The following LRRFIP2 variants were observed in gnomAD, a reference collection of about 807,000 sequenced individuals.
LRRFIP2 encodes the protein leucine-rich repeat flightless-interacting protein 2.
LRRFIP2 carries 109 observed loss-of-function variants against 125.9 expected under a neutral mutation model. The ratio of observed to expected loss-of-function variants is 0.87; its 90% CI spans 0.74 to 1.01. The LOEUF (loss-of-function observed/expected upper bound fraction) is 1.01. LRRFIP2 is among the 50% of genes least tolerant of loss of function. The probability of loss-of-function intolerance (pLI) is 0.00; values close to 1 mark genes in which losing one functional copy is unlikely to be tolerated. For synonymous variants in LRRFIP2, 291 were observed against 293.1 expected (o/e 0.99, Z 0.07); for missense variants, 850 against 862.3 (o/e 0.99, Z 0.18).
At chr3:37,127,600 C>A (rs2095316644) in intron 4 of LRRFIP2, 30 bp downstream of exon 4, 5 of 1,607,676 alleles carry the variant, frequency 3.1e-6, no homozygotes, top group Non-Finnish European at 4.3e-6. Flanking sequence ...CAATTGATCA[C>A]AACATGCAGG....
At chr3:37,056,485 G>A (rs896073565) in intron 25 of LRRFIP2, among the ~76,000 whole-genome samples, 32 of 148,814 alleles carry the variant, frequency 2.2e-4, no homozygotes, top group Non-Finnish European at 3.1e-4. Context: ...ATGGAGTCTC[G>A]CTCTGTCGCC....
chr3:37,167,591 T>C (rs1382236141), intron 1 of LRRFIP2, among the ~76,000 whole-genome samples: 1 of 147,278 alleles, frequency 6.8e-6, no homozygotes, highest in Non-Finnish European at 1.5e-5. Flanking sequence ...GAGGGAGAGG[T>C]TGCAGTGAGC....
chr3:37,122,421 G>C (rs1427801918), intron 4 of LRRFIP2, among the ~76,000 whole-genome samples: 1 of 151,998 alleles, frequency 6.6e-6, no homozygotes, highest in Non-Finnish European at 1.5e-5. Context: ...AATATACCAA[G>C]ATAAAAATGT....
chr3:37,128,934 T>C, intron 3 of LRRFIP2, 129 bp downstream of exon 3: 1 of 825,068 alleles, frequency 1.2e-6, no homozygotes, highest in East Asian at 2.5e-5. Context: ...AATGGCTTGA[T>C]AAAATACATA....
At chr3:37,124,886 C>T (rs140421110) in intron 4 of LRRFIP2, among the ~76,000 whole-genome samples, 1 of 152,028 alleles carries the variant, frequency 6.6e-6, no homozygotes, top group African/African-American at 2.4e-5. Context: ...AGAAATTATA[C>T]CAGTGGACAA....
Position 37,156,673 on chromosome 3 carries a change from C to CAAAAAAAA in LRRFIP2, c.-55-7643_-55-7636dup, listed in dbSNP as rs59647339. ...TGGGCGACAGAGCGAGACTCAGTAT[C>CAAAAAAAA]AAAAAAAAAAAAAAAAAAAAAAAAA... On this transcript the variant is annotated intron_variant, in intron 1 of 27. Coordinates refer to ENST00000336686, the MANE Select transcript of LRRFIP2 (RefSeq NM_006309.4). Among the ~76,000 whole-genome samples, 19 of 30,580 alleles carry CAAAAAAAA rather than the reference C, an allele frequency of 6.2e-4. 1 individual carries two copies. Among genetic ancestry groups the CAAAAAAAA allele is most frequent in the East Asian group, 3.7e-3 (2 of 536 alleles). 20.1% of individuals were successfully genotyped at this position (30,580 alleles called of 152,430 possible).
intron 9 of LRRFIP2, among the ~76,000 whole-genome samples, chr3:37,110,737 C>A (rs1254460629): frequency 6.6e-6 from 1 of 151,934 alleles, no homozygotes; most frequent in Admixed American, 6.6e-5. Flanking sequence ...CTGTATTATT[C>A]CTTGAACTTT....
At chr3:37,135,638 A>G (rs923678634) in intron 2 of LRRFIP2, among the ~76,000 whole-genome samples, 3 of 152,228 alleles carry the variant, frequency 2.0e-5, no homozygotes, top group Non-Finnish European at 2.9e-5. Context: ...AAGGATTTAA[A>G]TAGACATTTC....
chr3:37,157,706 CA>C (rs1484396723), intron 1 of LRRFIP2, among the ~76,000 whole-genome samples: 5 of 151,580 alleles, frequency 3.3e-5, no homozygotes, highest in African/African-American at 1.2e-4. Flanking sequence ...AGGCAAAGTA[CA>C]AAATGAAAAA....
chr3:37,074,941 C>CCG, intron 20 of LRRFIP2, 83 bp downstream of exon 20: 1 of 722,836 alleles, frequency 1.4e-6, no homozygotes, highest in Non-Finnish European at 2.4e-6. Context: ...TGCATCTTAA[C>CCG]TCTCCTTCCC....
chr3:37,112,200 G>C (rs1471219283), intron 8 of LRRFIP2, among the ~76,000 whole-genome samples: 1 of 152,098 alleles, frequency 6.6e-6, no homozygotes, highest in Admixed American at 6.6e-5. Context: ...GCCAGGAAGA[G>C]TGGCACATGC....
chr3:37,111,086 C>A, intron 8 of LRRFIP2, 21 bp from the exon 9 acceptor site: 1 of 1,603,766 alleles, frequency 6.2e-7, no homozygotes, highest in South Asian at 1.1e-5. Flanking sequence ...CAAAATTAAA[C>A]ACATTTTTCT....
Position 37,125,063 on chromosome 3 carries a change from T to C in LRRFIP2, c.228+2567A>G, listed in dbSNP as rs563378981. On this transcript the variant is annotated intron_variant, in intron 4 of 27. Coordinates refer to ENST00000336686, the MANE Select transcript of LRRFIP2 (RefSeq NM_006309.4). ...ACAACGCCTTAAAAAAAAAAAGACA[T>C]GTATTTGTTCAAAATGCTGTTTTGA... Among the ~76,000 whole-genome samples, 4 of 151,966 alleles carry C rather than the reference T, an allele frequency of 2.6e-5. No individual in the cohort carries two copies. In the South Asian group the frequency reaches 6.2e-4, roughly 24 times the overall value.
At chr3:37,074,938 TAA>T in intron 20 of LRRFIP2, 84 bp downstream of exon 20, 11 of 872,970 alleles carry the variant, frequency 1.3e-5, no homozygotes, top group East Asian at 2.4e-5. Flanking sequence ...TGATGCATCT[TAA>T]CTCTCCTTCC....
chr3:37,122,294 G>C (rs2095089478), intron 4 of LRRFIP2, among the ~76,000 whole-genome samples: 1 of 151,848 alleles, frequency 6.6e-6, no homozygotes, highest in African/African-American at 2.4e-5. Flanking sequence ...GTATGTGTGG[G>C]GCGGTCACAT....
intron 11 of LRRFIP2, 23 bp downstream of exon 11, chr3:37,109,504 C>T (rs778309772): frequency 1.9e-6 from 3 of 1,613,690 alleles, no homozygotes; most frequent in Admixed American, 3.3e-5. Flanking sequence ...GCACTGCACA[C>T]ACTGGAAGAG....
At chr3:37,136,955 T>TC (rs2095568377) in intron 2 of LRRFIP2, among the ~76,000 whole-genome samples, 1 of 1,844 alleles carries the variant, frequency 5.4e-4, no homozygotes, top group Non-Finnish European at 3.2e-3. Context: ...TCTTTCTTTT[T>TC]TGGGGGGGGT....
intron 3 of LRRFIP2, among the ~76,000 whole-genome samples, chr3:37,128,588 T>G (rs997137284): frequency 1.3e-5 from 2 of 152,146 alleles, no homozygotes; most frequent in African/African-American, 4.8e-5. Context: ...TGGATACTGG[T>G]TTTTGTAATA....
chr3:37,167,403 C>T (rs939337967), intron 1 of LRRFIP2, among the ~76,000 whole-genome samples: 1 of 152,030 alleles, frequency 6.6e-6, no homozygotes, highest in Non-Finnish European at 1.5e-5. Context: ...CGCCTGTAAT[C>T]CCAGCACTTT....
Sources: gnomAD v4.1 joint callset for allele counts (sites outside exome capture counted in the v4.1 genomes callset) on GRCh38, gnomAD v4.1.1 for gene constraint, MANE v1.5 for transcripts, NCBI Gene and HGNC (gene_info 2026-07-23, HGNC 2026-07-21) for gene names.